Variants in VAMP4 observed in about 807,000 individuals in gnomAD.
VAMP4 encodes vesicle-associated membrane protein 4.
VAMP4 carries 19 observed loss-of-function variants against 23.5 expected under a neutral mutation model. The ratio of observed to expected loss-of-function variants is 0.81; its 90% confidence interval spans 0.56 to 1.19. The LOEUF (loss-of-function observed/expected upper bound fraction) is 1.19, where lower values mean the gene tolerates loss of function less well. Ranked by LOEUF, VAMP4 falls within the 50% of genes most tolerant of loss-of-function variation. VAMP4 has a pLI of 0.00. For synonymous variants in VAMP4, 31 were observed against 51.0 expected (o/e 0.61, Z 1.67); for missense variants, 145 against 168.6 (o/e 0.86, Z 0.78).
At chr1:171,721,985 C>T (rs1010866987) in intron 3 of VAMP4, among the ~76,000 whole-genome samples, 3 of 152,168 alleles carry the variant, frequency 2.0e-5, no homozygotes, top group Admixed American at 6.5e-5. Flanking sequence ...GGAGGCGTCA[C>T]GCTACCTGAC....
intron 6 of VAMP4, among the ~76,000 whole-genome samples, chr1:171,708,166 G>A (rs1654720751): frequency 6.6e-6 from 1 of 151,658 alleles, no homozygotes; most frequent in African/African-American, 2.4e-5. Flanking sequence ...AGGTGTGGTG[G>A]TGCATGCCTG....
rs560407035 is a variant in VAMP4, at chr1:171,718,983, C to T, written c.164+188G>A. 1.5e-4 allele frequency among the ~76,000 whole-genome samples: 23 copies of T among 152,274 alleles called. No individual in the cohort carries two copies. The South Asian group carries it at 4.8e-3, about 32-fold the overall frequency. Reference sequence around the variant, plus strand: ...ATGTGACACAGCTTTGTCACAACTACTCAACTTTGCCATTGTAGCTTGAAA... The same window carrying T: ...ATGTGACACAGCTTTGTCACAACTATTCAACTTTGCCATTGTAGCTTGAAA... On this transcript the variant is annotated intron_variant, in intron 4 of 7. Coordinates refer to ENST00000236192, the MANE Select transcript of VAMP4 (RefSeq NM_003762.5).
chr1:171,718,310 A>G (rs1169328083), intron 4 of VAMP4, among the ~76,000 whole-genome samples: 1 of 152,112 alleles, frequency 6.6e-6, no homozygotes, highest in African/African-American at 2.4e-5. Flanking sequence ...CCCTTCCCAC[A>G]ATGTGCCATC....
At chr1:171,726,838 T>G (rs1283626778) in intron 3 of VAMP4, among the ~76,000 whole-genome samples, 1 of 151,220 alleles carries the variant, frequency 6.6e-6, no homozygotes, top group Non-Finnish European at 1.5e-5. Context: ...AAAATTTTAA[T>G]CTTCAAAAGA....
At chr1:171,731,054 AAC>A (rs1395351227) in intron 2 of VAMP4, among the ~76,000 whole-genome samples, 2 of 143,896 alleles carry the variant, frequency 1.4e-5, no homozygotes, top group Non-Finnish European at 3.1e-5. Flanking sequence ...AATACAAAAA[AAC>A]AAAAAAAGAA....
In VAMP4 at chr1:171,707,168, A is replaced by G. The variant is rs139954425; in HGVS notation, c.346-750T>C. On this transcript the variant is annotated intron_variant, in intron 6 of 7. Transcript: ENST00000236192. ...CATGAACAAAAATCTGTTTGTCATT[A>G]AACATATAAGAGTTTCACAGCCCCC... 1.6e-3 allele frequency among the ~76,000 whole-genome samples: 239 copies of G among 152,274 alleles called. 2 individuals are homozygous for G. Among genetic ancestry groups the G allele is most frequent in the African/African-American group, 5.5e-3 (228 of 41,556 alleles).
intron 3 of VAMP4, among the ~76,000 whole-genome samples, chr1:171,725,844 C>A (rs529268062): frequency 6.6e-6 from 1 of 152,034 alleles, no homozygotes; most frequent in South Asian, 2.1e-4. Flanking sequence ...GTGCACACCA[C>A]CAGGACTGGC....
chr1:171,710,426 G>A (rs1277019854), intron 5 of VAMP4, among the ~76,000 whole-genome samples: 2 of 151,942 alleles, frequency 1.3e-5, no homozygotes, highest in African/African-American at 4.8e-5. Context: ...CTGAGATCAT[G>A]AGAAACACAA....
chr1:171,703,463 A>ATATT lies in VAMP4; in HGVS notation c.*1042_*1043insAATA, dbSNP rs1553258262. On this transcript the variant is annotated 3_prime_UTR_variant, in exon 8 of 8. Transcript: ENST00000236192. ...TATATATATATATATATATATATATATATATACACATAGGTTCCTGACTTT... is the reference window on the plus strand; with the variant it reads ...TATATATATATATATATATATATATATATTTATATACACATAGGTTCCTGACTTT... 1 of 114,898 alleles carries ATATT rather than the reference A, an allele frequency of 8.7e-6. No individual in the cohort carries two copies. Among genetic ancestry groups the ATATT allele is most frequent in the East Asian group, 2.5e-4 (1 of 4,016 alleles). 7.1% of individuals were successfully genotyped at this position (114,898 alleles called of 1,614,324 possible).
At chr1:171,721,604 C>G (rs1572247034) in intron 3 of VAMP4, among the ~76,000 whole-genome samples, 2 of 152,186 alleles carry the variant, frequency 1.3e-5, no homozygotes, top group South Asian at 4.2e-4. Flanking sequence ...TTCCTATACA[C>G]CAATAACAGA....
intron 7 of VAMP4, among the ~76,000 whole-genome samples, 159 bp downstream of exon 7, chr1:171,706,206 ATT>A (rs1234509384): frequency 6.6e-6 from 1 of 152,110 alleles, no homozygotes; most frequent in East Asian, 1.9e-4. Flanking sequence ...ACTTAAGAGC[ATT>A]TTCAGAGATC....
At chr1:171,726,524 G>T (rs771037619) in intron 3 of VAMP4, among the ~76,000 whole-genome samples, 22 of 152,134 alleles carry the variant, frequency 1.4e-4, no homozygotes, top group Non-Finnish European at 2.4e-4. Flanking sequence ...GATTGATCAG[G>T]TCAACTAATT....
At chr1:171,723,816 C>T (rs1460027061) in intron 3 of VAMP4, among the ~76,000 whole-genome samples, 1 of 152,144 alleles carries the variant, frequency 6.6e-6, no homozygotes, top group Non-Finnish European at 1.5e-5. Flanking sequence ...GATAAATGTC[C>T]ATGAAATCTT....
At chr1:171,723,879 G>C (rs1041745879) in intron 3 of VAMP4, among the ~76,000 whole-genome samples, 3 of 152,134 alleles carry the variant, frequency 2.0e-5, no homozygotes. Flanking sequence ...AATTATAAAA[G>C]TATTAAATTG....
chr1:171,724,051 T>G (rs1203716715), intron 3 of VAMP4, among the ~76,000 whole-genome samples: 1 of 152,014 alleles, frequency 6.6e-6, no homozygotes, highest in Non-Finnish European at 1.5e-5. Flanking sequence ...CTATTCACAA[T>G]AGCAAAGACT....
intron 5 of VAMP4, 122 bp downstream of exon 5, chr1:171,710,592 C>A (rs1654818748): frequency 4.6e-6 from 3 of 655,580 alleles, no homozygotes; most frequent in Admixed American, 3.1e-5. Flanking sequence ...CCATTAAAAT[C>A]ATATACTTAA....
chr1:171,710,260 G>C (rs986323262), intron 5 of VAMP4, among the ~76,000 whole-genome samples: 13 of 151,398 alleles, frequency 8.6e-5, no homozygotes, highest in African/African-American at 3.2e-4. Context: ...TATTTGAGTG[G>C]CAAGTACGTG....
intron 2 of VAMP4, among the ~76,000 whole-genome samples, chr1:171,728,867 C>T (rs1225461275): frequency 6.6e-6 from 1 of 152,166 alleles, no homozygotes; most frequent in Non-Finnish European, 1.5e-5. Flanking sequence ...GGAGCAAGTC[C>T]CCTCTCCTTC....
rs1443228446 is a variant in VAMP4 at position 171,700,753 on chromosome 1, C to A, written c.*3753G>T. ...TTCATAGGCACATTCATTCAACACA[C>A]ATTTATCTAGCATCTGCCAAGGTTC... On this transcript the variant is annotated 3_prime_UTR_variant, in exon 8 of 8. Coordinates refer to ENST00000236192, the MANE Select transcript of VAMP4 (RefSeq NM_003762.5). 1.3e-5 allele frequency: 2 copies of A among 152,350 alleles called. No individual in the cohort carries two copies. Among genetic ancestry groups the A allele is most frequent in the East Asian group, 3.9e-4 (2 of 5,184 alleles). 9.4% of individuals were successfully genotyped at this position (152,350 alleles called of 1,614,324 possible). A position where few individuals can be genotyped will look rare whatever the true frequency, so the allele number is the denominator to read the frequency against.
Sources: gnomAD v4.1 joint callset for allele counts (sites outside exome capture counted in the v4.1 genomes callset) on GRCh38, gnomAD v4.1.1 for gene constraint, MANE v1.5 for transcripts, NCBI Gene and HGNC (gene_info 2026-07-23, HGNC 2026-07-21) for gene names.